Variants in ZNF407 observed in about 807,000 individuals in gnomAD.
ZNF407 encodes the protein zinc finger protein 407.
ZNF407 carries 17 observed loss-of-function variants against 131.2 expected under a neutral mutation model. The ratio of observed to expected loss-of-function variants is 0.13; its 90% confidence interval spans 0.09 to 0.19. The LOEUF (loss-of-function observed/expected upper bound fraction) is 0.19, where lower values mean the gene tolerates loss of function less well. Ranked by LOEUF, ZNF407 falls within the 10% of genes least tolerant of loss-of-function variation. The probability of loss-of-function intolerance (pLI) is 1.00; values close to 1 mark genes in which losing one functional copy is unlikely to be tolerated. For synonymous variants in ZNF407, 1,156 were observed against 1,062.0 expected, an observed-to-expected ratio of 1.09 and a Z score of -1.72; for missense variants, 2,681 against 2,830.6, an observed-to-expected ratio of 0.95 and a Z score of 1.20.
Position 74,872,096 on chromosome 18 carries a change from C to G in ZNF407, c.4878-5101C>G, listed in dbSNP as rs527802726. Among the ~76,000 whole-genome samples the G allele has an allele frequency of 1.6e-3, 247 of 152,104 alleles. 1 individual carries two copies. Among genetic ancestry groups the G allele is most frequent in the Non-Finnish European group, 2.6e-4 (18 of 67,990 alleles). On this transcript the variant is annotated intron_variant, in intron 4 of 8. Coordinates refer to ENST00000299687, the MANE Select transcript of ZNF407 (RefSeq NM_017757.3). The stretch of plus-strand genomic sequence containing the variant: ...TATTGGTCAGGCTGGAGAGTTCTTT[C>G]TTTTTAGAAACAAAATTTTAGAACT...
rs1163248945 is a variant in ZNF407, at chr18:74,635,903, CA to C, written c.4687+200del. Among the ~76,000 whole-genome samples, 1 of 152,152 alleles carries C rather than the reference CA, an allele frequency of 6.6e-6. No homozygotes were observed. Among genetic ancestry groups the C allele is most frequent in the Non-Finnish European group, 1.5e-5 (1 of 68,020 alleles). On this transcript the variant is annotated intron_variant, in intron 2 of 8. Transcript: ENST00000299687. The surrounding 1 kb of genome is among the most constrained non-coding windows in gnomAD (Gnocchi z 4.7). ...AAGGGTAATTAAGCCCTAGTGATTT[CA>C]AAGGCAGGTTAGCTGACAAGTTTCT...
chr18:74,868,179 A>T (rs1419041381), intron 4 of ZNF407, among the ~76,000 whole-genome samples: 1 of 152,172 alleles, frequency 6.6e-6, no homozygotes, highest in African/African-American at 2.4e-5. Context: ...ATTTTGTATC[A>T]TGTGTAGGTA....
intron 1 of ZNF407, among the ~76,000 whole-genome samples, chr18:74,618,690 A>G (rs1442438899): frequency 1.3e-5 from 2 of 152,198 alleles, no homozygotes; most frequent in South Asian, 4.1e-4. Context: ...GCAAAGTAAT[A>G]TATTTTGGAA....
chr18:74,601,345 G>C (rs1308772207), intron 1 of ZNF407, among the ~76,000 whole-genome samples: 3 of 151,516 alleles, frequency 2.0e-5, no homozygotes, highest in African/African-American at 7.3e-5. Context: ...GTGTGTGTGT[G>C]TGTGTGTGTG....
intron 4 of ZNF407, among the ~76,000 whole-genome samples, chr18:74,865,807 G>A (rs1423062923): frequency 2.0e-5 from 3 of 152,076 alleles, no homozygotes; most frequent in East Asian, 1.9e-4. Flanking sequence ...GTGAAAGTAC[G>A]CTAAATTAAT....
At chr18:75,038,587 T>TA (rs1973337184) in intron 8 of ZNF407, among the ~76,000 whole-genome samples, 1 of 152,178 alleles carries the variant, frequency 6.6e-6, no homozygotes. Flanking sequence ...GAAAAGGTGA[T>TA]ACTGTGTAAA....
chr18:74,643,849 A>T (rs1984837948), intron 3 of ZNF407, among the ~76,000 whole-genome samples: 1 of 151,974 alleles, frequency 6.6e-6, no homozygotes, highest in Non-Finnish European at 1.5e-5. Flanking sequence ...AAGTTGTATG[A>T]ACCTAGACTG....
intron 1 of ZNF407, among the ~76,000 whole-genome samples, chr18:74,624,495 T>G (rs1983702919): frequency 6.6e-6 from 1 of 152,200 alleles, no homozygotes; most frequent in South Asian, 2.1e-4. Context: ...TTCTGGACCG[T>G]ATTACTTAAA....
intron 4 of ZNF407, among the ~76,000 whole-genome samples, chr18:74,823,748 C>T (rs1970373140): frequency 6.6e-6 from 1 of 152,070 alleles, no homozygotes; most frequent in South Asian, 2.1e-4. Flanking sequence ...CTTAGACTCC[C>T]ACACAATAAT....
intron 7 of ZNF407, among the ~76,000 whole-genome samples, chr18:74,916,524 GT>G (rs1971767484): frequency 1.7e-5 from 2 of 117,690 alleles, no homozygotes; most frequent in African/African-American, 3.8e-5. Context: ...GTATGGTGAG[GT>G]TGTGTGCAGC....
intron 1 of ZNF407, among the ~76,000 whole-genome samples, chr18:74,617,182 A>T (rs1983350667): frequency 1.1e-5 from 1 of 92,754 alleles, no homozygotes; most frequent in Non-Finnish European, 2.4e-5. Flanking sequence ...CCATATCCAC[A>T]CACATCGACA....
intron 3 of ZNF407, among the ~76,000 whole-genome samples, chr18:74,731,836 G>A (rs1195186504): frequency 1.3e-5 from 2 of 152,062 alleles, no homozygotes; most frequent in African/African-American, 4.8e-5. Flanking sequence ...TAGCAGGCCT[G>A]GGATGGGGTC....
intron 1 of ZNF407, among the ~76,000 whole-genome samples, chr18:74,623,814 G>A (rs768076473): frequency 4.6e-5 from 7 of 152,098 alleles, no homozygotes; most frequent in African/African-American, 7.2e-5. Flanking sequence ...TAGAAATGAA[G>A]ATAATAAAGC....
intron 7 of ZNF407, among the ~76,000 whole-genome samples, chr18:74,890,274 C>A (rs370438013): frequency 6.6e-6 from 1 of 152,162 alleles, no homozygotes; most frequent in Non-Finnish European, 1.5e-5. Flanking sequence ...CTACCCCACA[C>A]GTGTAGAGCC....
At chr18:74,756,035 A>G (rs897888896) in intron 3 of ZNF407, among the ~76,000 whole-genome samples, 1 of 150,936 alleles carries the variant, frequency 6.6e-6, no homozygotes, top group Admixed American at 6.6e-5. Flanking sequence ...CTGGGATTGC[A>G]GGTGCGCACC....
chr18:74,751,878 G>T (rs192523634), intron 3 of ZNF407, among the ~76,000 whole-genome samples: 1 of 152,116 alleles, frequency 6.6e-6, no homozygotes, highest in Non-Finnish European at 1.5e-5. Flanking sequence ...ATCCTTTGGG[G>T]ATATACCCAG....
chr18:74,995,668 T>C (rs1322719881), intron 8 of ZNF407, among the ~76,000 whole-genome samples: 13 of 152,168 alleles, frequency 8.5e-5, no homozygotes, highest in Admixed American at 8.5e-4. Context: ...GAAGAGGCTT[T>C]GGTGGGAGAG....
chr18:75,055,216 TGGGTAA>T (rs906279248), intron 8 of ZNF407, among the ~76,000 whole-genome samples: 5 of 152,230 alleles, frequency 3.3e-5, no homozygotes, highest in African/African-American at 1.2e-4. Flanking sequence ...GTACTATTCA[TGGGTAA>T]ATGACTAGAT....
chr18:74,782,595 GTTCTCCCCGTTCTCCCCT>G (rs1188993657), intron 4 of ZNF407, among the ~76,000 whole-genome samples: 7 of 149,850 alleles, frequency 4.7e-5, no homozygotes, highest in East Asian at 2.0e-4. Context: ...CTTTCTTCCT[GTTCTCCCCGTTCTCCCCT>G]TTCTCCCCGT....
Sources: gnomAD v4.1 joint callset for allele counts (sites outside exome capture counted in the v4.1 genomes callset) on GRCh38, gnomAD v4.1.1 for gene constraint, Gnocchi (gnomAD v3.1) non-coding constraint, MANE v1.5 for transcripts, NCBI Gene and HGNC (gene_info 2026-07-23, HGNC 2026-07-21) for gene names.